ENKUR: variants seen among roughly 807,000 people sequenced by gnomAD.
The protein encoded by ENKUR is enkurin.
Under a neutral mutation model 27.6 loss-of-function variants are expected in ENKUR, and 19 were observed. That is an observed-to-expected ratio of 0.69 (90% CI 0.48 to 1.01). The LOEUF is 1.01. Ranked by LOEUF, ENKUR falls within the 50% of genes least tolerant of loss-of-function variation. ENKUR has a pLI of 0.00. For synonymous variants in ENKUR, 117 were observed against 96.9 expected (o/e 1.21, Z -1.22); for missense variants, 312 against 310.5 (o/e 1.00, Z -0.04).
At chr10:25,041,358 C>T (rs2130471605) in intron 2 of ENKUR, among the ~76,000 whole-genome samples, 1 of 152,214 alleles carries the variant, frequency 6.6e-6, no homozygotes, top group South Asian at 2.1e-4. Context: ...TTTCATATGT[C>T]TAGCCATGCC....
chr10:25,042,648 C>T (rs796082998), intron 2 of ENKUR, among the ~76,000 whole-genome samples: 3 of 151,978 alleles, frequency 2.0e-5, no homozygotes, highest in African/African-American at 7.2e-5. Flanking sequence ...TAAAAAAATC[C>T]TCAAGATCAT....
chr10:25,035,370 C>G (rs1176191413), intron 2 of ENKUR, among the ~76,000 whole-genome samples: 1 of 152,128 alleles, frequency 6.6e-6, no homozygotes, highest in Non-Finnish European at 1.5e-5. Flanking sequence ...GCATGGCCAA[C>G]ATGGAAAAAC....
rs1040084331 is a variant in ENKUR, at chr10:24,982,944, A to G, written c.*1426T>C. The G allele has an allele frequency of 2.6e-5, 4 of 152,248 alleles. No individual in the cohort carries two copies. The highest frequency in any genetic ancestry group is 9.6e-5 in the African/African-American group (4 of 41,466). The allele number at this position is 152,248 out of a possible 1,614,324, so 9.4% of individuals were successfully genotyped here. ...CTCATGACTTCAAAGCATAATATCCATAAGGCTAAAGTAATCAGAATATTT... is the reference window on the plus strand; with the variant it reads ...CTCATGACTTCAAAGCATAATATCCGTAAGGCTAAAGTAATCAGAATATTT... On this transcript the variant is annotated 3_prime_UTR_variant, in exon 6 of 6. Transcript: ENST00000331161.
Position 24,995,609 on chromosome 10 carries a change from G to C in ENKUR, c.447+37C>G, listed in dbSNP as rs759505193. 4.6e-6 allele frequency: 7 copies of C among 1,523,162 alleles called. 1 individual carries two copies. The highest frequency in any genetic ancestry group is 1.8e-4 in the Middle Eastern group (1 of 5,642). 94.4% of individuals were successfully genotyped at this position (1,523,162 alleles called of 1,614,324 possible). ...CATGAACACCATATTTAAATTATTT[G>C]AATTTCAGCCCTCTTATTAATATAC... On this transcript the variant is annotated intron_variant, in intron 3 of 5. Coordinates refer to ENST00000331161, the MANE Select transcript of ENKUR (RefSeq NM_145010.4).
intron 4 of ENKUR, among the ~76,000 whole-genome samples, chr10:24,987,674 A>C (rs1035477985): frequency 3.9e-5 from 6 of 152,164 alleles, no homozygotes; most frequent in Non-Finnish European, 8.8e-5. Context: ...CCCTGACTGA[A>C]GTAGCCTCCC....
upstream of ENKUR, chr10:25,016,183 A>G (rs941186628): frequency 3.0e-5 from 35 of 1,180,384 alleles, no homozygotes; most frequent in African/African-American, 5.4e-4. Flanking sequence ...AACCGTTACT[A>G]GGCAACGAGG....
At chr10:25,017,755 C>G (rs776897844), upstream of ENKUR, among the ~76,000 whole-genome samples, 2 of 151,468 alleles carry the variant, frequency 1.3e-5, no homozygotes, top group African/African-American at 4.9e-5. Context: ...ATATTTAGAT[C>G]TAGATCCAAA....
chr10:25,011,230 G>A (rs1365173924), intron 1 of ENKUR, among the ~76,000 whole-genome samples: 1 of 152,152 alleles, frequency 6.6e-6, no homozygotes, highest in South Asian at 2.1e-4. Context: ...TCTTTTGGCT[G>A]CATAAATGTC....
At chr10:25,000,358 G>A (rs61856075) in intron 1 of ENKUR, among the ~76,000 whole-genome samples, 5,587 of 152,212 alleles carry the variant, frequency 0.037, 138 homozygotes, top group Non-Finnish European at 0.058. Flanking sequence ...ATCTTCAAAT[G>A]TTCTGTATCC....
chr10:25,051,178 G>A (rs751947698), intron 2 of ENKUR, among the ~76,000 whole-genome samples: 1 of 152,188 alleles, frequency 6.6e-6, no homozygotes, highest in Non-Finnish European at 1.5e-5. Context: ...TGATTTAAGG[G>A]TTTTATAGTT....
chr10:25,022,910 T>A (rs1850753588), intron 2 of ENKUR, among the ~76,000 whole-genome samples: 1 of 152,196 alleles, frequency 6.6e-6, no homozygotes, highest in Non-Finnish European at 1.5e-5. Context: ...AATACAAGTT[T>A]CTGTTTTTTA....
chr10:25,041,936 A>G (rs1851069089), intron 2 of ENKUR, among the ~76,000 whole-genome samples: 1 of 152,186 alleles, frequency 6.6e-6, no homozygotes, highest in African/African-American at 2.4e-5. Flanking sequence ...TGTGATCCCG[A>G]ATTGAACCCT....
intron 2 of ENKUR, among the ~76,000 whole-genome samples, chr10:25,034,475 C>T (rs1850978862): frequency 6.6e-6 from 1 of 152,110 alleles, no homozygotes; most frequent in African/African-American, 2.4e-5. Context: ...CCCAATTTGA[C>T]AAAATTTAAG....
At chr10:24,989,296 A>C (rs989174632) in intron 4 of ENKUR, among the ~76,000 whole-genome samples, 1 of 152,106 alleles carries the variant, frequency 6.6e-6, no homozygotes, top group Non-Finnish European at 1.5e-5. Flanking sequence ...CCTCCTTTGC[A>C]GCAGACCATT....
At chr10:25,007,395 G>A (rs569880425) in intron 1 of ENKUR, among the ~76,000 whole-genome samples, 117 of 152,016 alleles carry the variant, frequency 7.7e-4, no homozygotes, top group Non-Finnish European at 9.0e-4. Flanking sequence ...CTTTTACCAC[G>A]TTATATTATG....
intron 2 of ENKUR, among the ~76,000 whole-genome samples, chr10:25,027,404 G>A (rs1350993712): frequency 8.4e-5 from 12 of 143,358 alleles, no homozygotes; most frequent in Non-Finnish European, 1.7e-4. Context: ...AGGCATGGTG[G>A]CGCATGCCTG....
chr10:25,027,270 G>A (rs1377139950), intron 2 of ENKUR, among the ~76,000 whole-genome samples: 1 of 146,778 alleles, frequency 6.8e-6, no homozygotes, highest in African/African-American at 2.5e-5. Flanking sequence ...GCAGGAGAAT[G>A]GCATGAACCC....
intron 4 of ENKUR, among the ~76,000 whole-genome samples, chr10:24,985,332 A>G (rs960240612): frequency 6.6e-6 from 1 of 152,202 alleles, no homozygotes; most frequent in African/African-American, 2.4e-5. Flanking sequence ...TCAACAGACA[A>G]ATCACATAAA....
chr10:25,015,992 A>G lies in ENKUR; in HGVS notation c.-56T>C. The stretch of plus-strand genomic sequence containing the variant: ...TCCACAACTTTTTTCTCCCTGTCCC[A>G]GTATCTCCGTCCCTTTCTTCACTGC... On this transcript the variant is annotated 5_prime_UTR_variant, in exon 1 of 6. Transcript: ENST00000331161. 6.4e-7 allele frequency: 1 copy of G among 1,573,678 alleles called. No individual in the cohort carries two copies. The highest frequency in any genetic ancestry group is 2.3e-5 in the East Asian group (1 of 43,466).
Sources: gnomAD v4.1 joint callset for allele counts (sites outside exome capture counted in the v4.1 genomes callset) on GRCh38, gnomAD v4.1.1 for gene constraint, MANE v1.5 for transcripts, NCBI Gene and HGNC (gene_info 2026-07-23, HGNC 2026-07-21) for gene names.